SPATA17: variants seen among roughly 807,000 people sequenced by gnomAD.
SPATA17 encodes the protein spermatogenesis associated 17.
A neutral mutation model predicts 62.2 loss-of-function variants in SPATA17; 53 were observed. That is an observed-to-expected ratio of 0.85 (90% confidence interval 0.68 to 1.07). The LOEUF (loss-of-function observed/expected upper bound fraction) is 1.07. Among genes scored for constraint, SPATA17 ranks in the 50% least tolerant of loss-of-function variants. SPATA17 has a pLI of 0.00. For missense variants in SPATA17, 466 were observed against 425.5 expected (o/e 1.10, Z -0.84); for synonymous variants, 146 against 146.8 (o/e 0.99, Z 0.04).
chr1:217,730,769 G>A (rs566999054), intron 5 of SPATA17, among the ~76,000 whole-genome samples: 20 of 152,030 alleles, frequency 1.3e-4, no homozygotes, highest in Non-Finnish European at 2.2e-4. Context: ...TTTGATAGAC[G>A]ATAAAAGAAA....
chr1:217,655,241 C>A (rs903491895), intron 3 of SPATA17, among the ~76,000 whole-genome samples: 2 of 152,070 alleles, frequency 1.3e-5, no homozygotes, highest in African/African-American at 4.8e-5. Flanking sequence ...CTTTTCATAA[C>A]CCTAATATTT....
chr1:217,760,693 A>T (rs1449044461), intron 6 of SPATA17, among the ~76,000 whole-genome samples: 1 of 152,224 alleles, frequency 6.6e-6, no homozygotes, highest in Admixed American at 6.5e-5. Flanking sequence ...GCCCAATTAT[A>T]TTATTACATT....
intron 5 of SPATA17, among the ~76,000 whole-genome samples, chr1:217,714,597 G>GCCTCAGC (rs1405214137): frequency 6.7e-6 from 1 of 149,088 alleles, no homozygotes; most frequent in East Asian, 2.0e-4. Flanking sequence ...CCATTCTCCT[G>GCCTCAGC]CCTCAGCCTC....
At chr1:217,709,189 T>C (rs146450880) in intron 5 of SPATA17, among the ~76,000 whole-genome samples, 1 of 152,300 alleles carries the variant, frequency 6.6e-6, no homozygotes, top group East Asian at 1.9e-4. Flanking sequence ...GGATCAGGAC[T>C]ATATAATTGC....
Position 217,870,155 on chromosome 1 carries a change from G to T in SPATA17, c.*3136G>T, listed in dbSNP as rs1314495570. 1 of 152,092 alleles carries T rather than the reference G, an allele frequency of 6.6e-6. No individual in the cohort carries two copies. Among genetic ancestry groups the T allele is most frequent in the Non-Finnish European group, 1.5e-5 (1 of 68,024 alleles). 9.4% of individuals were successfully genotyped at this position (152,092 alleles called of 1,614,324 possible). Reference sequence around the variant, plus strand: ...CATGTTCGTAAAAATGGTAGCCATGGCCCCTGACTGAACCCAGGTATGAAT... The same window carrying T: ...CATGTTCGTAAAAATGGTAGCCATGTCCCCTGACTGAACCCAGGTATGAAT... On this transcript the variant is annotated 3_prime_UTR_variant, in exon 11 of 11. Transcript: ENST00000366933.
At chr1:217,731,670 A>G (rs1672404707) in intron 5 of SPATA17, among the ~76,000 whole-genome samples, 1 of 152,162 alleles carries the variant, frequency 6.6e-6, no homozygotes, top group Non-Finnish European at 1.5e-5. Flanking sequence ...TTCTAGAAAC[A>G]TGTGAAATAT....
intron 3 of SPATA17, among the ~76,000 whole-genome samples, chr1:217,653,949 C>G (rs940332628): frequency 1.3e-5 from 2 of 151,998 alleles, no homozygotes; most frequent in Non-Finnish European, 2.9e-5. Flanking sequence ...ACATTTGGGT[C>G]CATTTGTCTC....
chr1:217,683,040 T>G (rs148747298), intron 4 of SPATA17, among the ~76,000 whole-genome samples: 2 of 151,760 alleles, frequency 1.3e-5, no homozygotes, highest in East Asian at 3.9e-4. Flanking sequence ...TTAAAATAAA[T>G]TATAATAGCC....
intron 1 of SPATA17, among the ~76,000 whole-genome samples, chr1:217,641,340 C>T (rs1286226046): frequency 3.3e-5 from 5 of 151,930 alleles, no homozygotes; most frequent in Non-Finnish European, 7.4e-5. Flanking sequence ...ACATTCATAG[C>T]GTCTAGCATC....
intron 7 of SPATA17, among the ~76,000 whole-genome samples, chr1:217,776,855 A>C (rs1207341317): frequency 1.3e-5 from 2 of 152,018 alleles, no homozygotes; most frequent in African/African-American, 4.8e-5. Context: ...CTGCCTCACA[A>C]CATGGTAACT....
At chr1:217,718,523 A>T (rs186318337) in intron 5 of SPATA17, among the ~76,000 whole-genome samples, 1 of 152,318 alleles carries the variant, frequency 6.6e-6, no homozygotes, top group East Asian at 1.9e-4. Flanking sequence ...TCTCAGACTG[A>T]TAGTGACCCA....
At chr1:217,661,272 T>C (rs1000742480) in intron 3 of SPATA17, among the ~76,000 whole-genome samples, 1 of 150,678 alleles carries the variant, frequency 6.6e-6, no homozygotes, top group Non-Finnish European at 1.5e-5. Context: ...AAAACAGTGA[T>C]GTTATATCAC....
At chr1:217,785,296 CTACCTGAGACTGG>C (rs1483354647) in intron 8 of SPATA17, among the ~76,000 whole-genome samples, 2 of 152,084 alleles carry the variant, frequency 1.3e-5, no homozygotes, top group Non-Finnish European at 2.9e-5. Flanking sequence ...CTATGAAGAG[CTACCTGAGACTGG>C]GTAATTTATG....
intron 3 of SPATA17, among the ~76,000 whole-genome samples, chr1:217,656,311 G>T (rs553791548): frequency 2.6e-5 from 4 of 152,256 alleles, no homozygotes; most frequent in Admixed American, 1.3e-4. Flanking sequence ...ACTTTTAAGA[G>T]TTCAAATAAT....
intron 4 of SPATA17, among the ~76,000 whole-genome samples, chr1:217,669,981 G>A (rs921119674): frequency 1.3e-5 from 2 of 152,112 alleles, no homozygotes; most frequent in Admixed American, 1.3e-4. Flanking sequence ...TTCTCCTGGA[G>A]TTTGAGGAAA....
intron 6 of SPATA17, among the ~76,000 whole-genome samples, chr1:217,770,390 C>T (rs759183046): frequency 1.2e-4 from 18 of 152,108 alleles, no homozygotes; most frequent in Non-Finnish European, 2.4e-4. Context: ...TCTTCATACC[C>T]GGAATAAACA....
At chr1:217,775,687 C>A (rs547858516) in intron 7 of SPATA17, among the ~76,000 whole-genome samples, 1 of 147,772 alleles carries the variant, frequency 6.8e-6, no homozygotes, top group East Asian at 2.0e-4. Context: ...GGCGACCGAT[C>A]TATATATATA....
intron 5 of SPATA17, among the ~76,000 whole-genome samples, chr1:217,735,451 GC>G (rs1168665722): frequency 6.6e-6 from 1 of 152,094 alleles, no homozygotes; most frequent in Non-Finnish European, 1.5e-5. Flanking sequence ...CCTCCCAAAG[GC>G]CCCACCTCCA....
intron 3 of SPATA17, among the ~76,000 whole-genome samples, chr1:217,653,061 G>A (rs942862030): frequency 1.3e-5 from 2 of 152,162 alleles, no homozygotes; most frequent in African/African-American, 4.8e-5. Flanking sequence ...TAATATGAGT[G>A]AGTGATTTTC....
Sources: gnomAD v4.1 joint callset for allele counts (sites outside exome capture counted in the v4.1 genomes callset) on GRCh38, gnomAD v4.1.1 for gene constraint, MANE v1.5 for transcripts, NCBI Gene and HGNC (gene_info 2026-07-23, HGNC 2026-07-21) for gene names.